Variants in RNF2 observed in about 807,000 individuals in gnomAD.
RNF2 encodes ring finger protein 2.
In RNF2, 6 loss-of-function variants were observed where a neutral mutation model predicts 37.2. That is an observed-to-expected ratio of 0.16 (90% CI 0.09 to 0.32). The LOEUF is 0.32. RNF2 is among the 10% of genes least tolerant of loss of function. The probability of loss-of-function intolerance (pLI) is 1.00; values close to 1 mark genes in which losing one functional copy is unlikely to be tolerated. For missense variants in RNF2, 251 were observed against 404.0 expected, an observed-to-expected ratio of 0.62 and a Z score of 3.25; for synonymous variants, 133 against 132.7, an observed-to-expected ratio of 1.00 and a Z score of -0.02.
intron 1 of RNF2, among the ~76,000 whole-genome samples, chr1:185,070,337 G>A (rs1156550514): frequency 6.6e-6 from 1 of 152,180 alleles, no homozygotes; most frequent in African/African-American, 2.4e-5. Flanking sequence ...GCAAATCCAA[G>A]CTGATCCAGT....
rs372957574 is a variant in RNF2 at position 185,071,387 on chromosome 1, C to T, written c.-2-16165C>T. The stretch of plus-strand genomic sequence containing the variant: ...GAAGCCATCTTGGGAGATACGTGAC[C>T]CTCTATTGTTGTGGGAATGTGGCTT... On this transcript the variant is annotated intron_variant, in intron 1 of 6. Transcript: ENST00000367510. Among the ~76,000 whole-genome samples, 10 of 151,928 alleles carry T rather than the reference C, an allele frequency of 6.6e-5. No individual in the cohort carries two copies. The East Asian group carries it at 1.2e-3, about 18-fold the overall frequency.
At chr1:185,097,708 T>G (rs1260527756) in intron 4 of RNF2, among the ~76,000 whole-genome samples, 1 of 152,136 alleles carries the variant, frequency 6.6e-6, no homozygotes, top group Non-Finnish European at 1.5e-5. Flanking sequence ...ATTAAAATTT[T>G]TTGTTGTTGG....
chr1:185,098,283 A>G lies in RNF2; in HGVS notation c.676A>G (p.Ile226Val). 1.2e-6 allele frequency: 2 copies of G among 1,614,226 alleles called. No individual in the cohort carries two copies. The highest frequency in any genetic ancestry group is 1.1e-5 in the South Asian group (1 of 91,086). Residue 226 changes from isoleucine to valine, a missense_variant, in exon 5 of 7, where the codon ATT becomes GTT. Physicochemically the swap from Ile to Val is conservative, Grantham distance 29. Transcript: ENST00000367510. The part of the protein sequence containing the change: ...IDPVMDGASE[I>V]ELVFRPHPTL... ...TCCAGTAATGGATGGTGCTAGTGAA[A>G]TTGAATTAGTATTCAGGCCTCATCC...
At chr1:185,083,715 A>G (rs1175091773) in intron 1 of RNF2, among the ~76,000 whole-genome samples, 1 of 138,348 alleles carries the variant, frequency 7.2e-6, no homozygotes, top group Non-Finnish European at 1.6e-5. Context: ...TCAGCTCACT[A>G]CAACCTCAGC....
At chr1:185,073,699 A>T (rs1468564715) in intron 1 of RNF2, among the ~76,000 whole-genome samples, 1 of 152,252 alleles carries the variant, frequency 6.6e-6, no homozygotes, top group Non-Finnish European at 1.5e-5. Flanking sequence ...TAAGACAATT[A>T]CATCAGCCAG....
At chr1:185,064,094 G>C (rs200496846) in intron 1 of RNF2, among the ~76,000 whole-genome samples, 3 of 152,160 alleles carry the variant, frequency 2.0e-5, no homozygotes, top group Admixed American at 6.5e-5. Flanking sequence ...CACTGCCATA[G>C]TTAGAGACTT....
intron 1 of RNF2, among the ~76,000 whole-genome samples, chr1:185,064,522 T>G (rs926686863): frequency 1.3e-5 from 2 of 152,240 alleles, no homozygotes; most frequent in Non-Finnish European, 2.9e-5. Flanking sequence ...GGGCTGCATC[T>G]GGATAACCCA....
chr1:185,063,710 A>G (rs1425424575), intron 1 of RNF2, among the ~76,000 whole-genome samples: 1 of 152,212 alleles, frequency 6.6e-6, no homozygotes, highest in Non-Finnish European at 1.5e-5. Context: ...AAGGTCTGTG[A>G]CGTTTCTGGA....
intron 1 of RNF2, among the ~76,000 whole-genome samples, chr1:185,062,061 A>G (rs1650623034): frequency 6.6e-6 from 1 of 152,222 alleles, no homozygotes; most frequent in Non-Finnish European, 1.5e-5. Context: ...TCCACCTTGT[A>G]GCAGCAAATA....
chr1:185,081,601 C>T (rs372206490), intron 1 of RNF2, among the ~76,000 whole-genome samples: 27 of 146,604 alleles, frequency 1.8e-4, no homozygotes, highest in African/African-American at 6.8e-4. Flanking sequence ...TGGGGGGGGG[C>T]GGTTTCACCA....
At chr1:185,078,698 T>C (rs1471053336) in intron 1 of RNF2, among the ~76,000 whole-genome samples, 2 of 152,150 alleles carry the variant, frequency 1.3e-5, no homozygotes, top group Non-Finnish European at 2.9e-5. Context: ...TCACCTGAGG[T>C]TGGGAGTTCG....
At chr1:185,091,292 A>G (rs937262417) in intron 2 of RNF2, among the ~76,000 whole-genome samples, 1 of 152,186 alleles carries the variant, frequency 6.6e-6, no homozygotes, top group African/African-American at 2.4e-5. Context: ...TCCAAATTCA[A>G]TTTTTTGTAT....
At chr1:185,095,027 T>C (rs1651873055) in intron 4 of RNF2, among the ~76,000 whole-genome samples, 1 of 152,146 alleles carries the variant, frequency 6.6e-6, no homozygotes, top group African/African-American at 2.4e-5. Flanking sequence ...TGGAGTGTAG[T>C]CAAGATCAAA....
intron 4 of RNF2, among the ~76,000 whole-genome samples, chr1:185,094,878 A>G (rs1261042883): frequency 4.6e-5 from 7 of 152,212 alleles, no homozygotes; most frequent in Admixed American, 3.9e-4. Context: ...AGTAAAGTCC[A>G]TCTCAGTCTA....
chr1:185,046,986 G>T (rs1650139686), intron 1 of RNF2, among the ~76,000 whole-genome samples: 1 of 152,152 alleles, frequency 6.6e-6, no homozygotes, highest in African/African-American at 2.4e-5. Context: ...ATGACTCTTG[G>T]TTATTCCCTT....
At chr1:185,098,468 C>T (rs1651978412) in intron 5 of RNF2, 124 bp downstream of exon 5, 2 of 1,097,744 alleles carry the variant, frequency 1.8e-6, no homozygotes, top group Non-Finnish European at 2.6e-6. Flanking sequence ...GGTTCAGTTA[C>T]TAGCTGCCTA....
chr1:185,045,690 C>T, intron 1 of RNF2, 41 bp downstream of exon 1: 1 of 152,246 alleles, frequency 6.6e-6, no homozygotes, highest in Non-Finnish European at 1.5e-5. Flanking sequence ...GCGGAAGCAG[C>T]GGGCCGGGAC....
intron 1 of RNF2, chr1:185,046,292 A>C (rs901561133): frequency 2.0e-5 from 3 of 151,468 alleles, no homozygotes; most frequent in African/African-American, 4.9e-5. Flanking sequence ...TGCTTTCTAA[A>C]ACCGTGAGCT....
intron 1 of RNF2, among the ~76,000 whole-genome samples, chr1:185,079,079 CTTT>C (rs58085875): frequency 7.7e-6 from 1 of 130,382 alleles, no homozygotes. Flanking sequence ...TAGATCTTTT[CTTT>C]TTTTTTTTTT....
Sources: gnomAD v4.1 joint callset for allele counts (sites outside exome capture counted in the v4.1 genomes callset) on GRCh38, gnomAD v4.1.1 for gene constraint, MANE v1.5 for transcripts, NCBI Gene and HGNC (gene_info 2026-07-23, HGNC 2026-07-21) for gene names.